Variants in DNMT3A observed in about 807,000 individuals in gnomAD.
DNMT3A encodes the protein DNA methyltransferase 3 alpha.
Under a neutral mutation model 117.6 loss-of-function variants are expected in DNMT3A, and 267 were observed. That is an observed-to-expected ratio of 2.27 (90% CI 2.05 to 2.51). DNMT3A has a LOEUF of 2.51. DNMT3A is among the 30% of genes most tolerant of loss of function. The pLI is 0.00. For synonymous variants in DNMT3A, 432 were observed against 474.8 expected (o/e 0.91, Z 1.17); for missense variants, 1,029 against 1,260.2 (o/e 0.82, Z 2.78).
rs1674063779 is a variant in DNMT3A, at chr2:25,241,685, CA to C, written c.1958del (p.Leu653TrpfsTer52). The C allele has an allele frequency of 6.2e-7, 1 of 1,613,906 alleles. No homozygotes were observed. Among genetic ancestry groups the C allele is most frequent in the Non-Finnish European group, 8.5e-7 (1 of 1,179,980 alleles). ...CAATGTAGCGGTCCACCTGAATGCC[CA>C]AGTCCTTCAGCACCAGGAGCCCTGC... ...IATGLLVLKD[L>X]GIQVDRYIAS... On this transcript the variant is annotated frameshift_variant, in exon 17 of 23. Transcript: ENST00000321117. LOFTEE classifies it high-confidence loss of function.
rs1675001082 is a variant in DNMT3A at position 25,247,738 on chromosome 2, GC to G, written c.866del (p.Gly289AlafsTer27). ...CCCACACCAGCTCCCCAATGCCAAA[GC>G]CCCGGCCGTCCTGGAGCCCCAAGGA... ...DDEPEYEDGR[G>X]FGIGELVWGK... On this transcript the variant is annotated frameshift_variant, in exon 8 of 23. Coordinates refer to ENST00000321117, the MANE Select transcript of DNMT3A (RefSeq NM_022552.5). LOFTEE classifies it high-confidence loss of function. The surrounding 1 kb of genome is among the most constrained non-coding windows in gnomAD (Gnocchi z 5.6). 1.2e-6 allele frequency: 2 copies of G among 1,612,508 alleles called. No individual in the cohort carries two copies. Among genetic ancestry groups the G allele is most frequent in the Non-Finnish European group, 1.7e-6 (2 of 1,180,004 alleles).
Position 25,233,979 on chromosome 2 carries a change from T to A in DNMT3A, c.*300A>T. ...AAACAGAAAACCCCTCTGAAAAGAG[T>A]AGAAAATAAAAGGTCTGACCGAAAA... On this transcript the variant is annotated 3_prime_UTR_variant, in exon 23 of 23. Transcript: ENST00000321117. 3.6e-6 allele frequency: 1 copy of A among 277,262 alleles called. No individual in the cohort carries two copies. The highest frequency in any genetic ancestry group is 5.4e-5 in the East Asian group (1 of 18,676). 17.2% of individuals were successfully genotyped at this position (277,262 alleles called of 1,614,324 possible). A position where few individuals can be genotyped will look rare whatever the true frequency, so the allele number is the denominator to read the frequency against.
chr2:25,244,402 T>TA, intron 14 of DNMT3A, 64 bp from the exon 15 acceptor site: 1 of 1,566,802 alleles, frequency 6.4e-7, no homozygotes, highest in South Asian at 1.1e-5. Context: ...CAAGGTGTGC[T>TA]ACCTGGAATG....
At position 25,245,327 on chromosome 2, in the gene DNMT3A, A is replaced by G. The variant is rs1674623339; in HGVS notation, c.1480T>C (p.Cys494Arg). The G allele has an allele frequency of 1.2e-6, 2 of 1,613,842 alleles. No individual in the cohort carries two copies. The highest frequency in any genetic ancestry group is 1.1e-5 in the South Asian group (1 of 90,954). The change falls in exon 13 of 23, where the codon TGC (cysteine) becomes CGC (arginine). Residue 494 changes from cysteine (C) to arginine (R), a missense_variant. By Grantham distance (180) the Cys-to-Arg change is radical (BLOSUM62 -3). Transcript: ENST00000321117. Reference sequence around the variant, plus strand: ...ACATTGAGGCTCCCACAGGAGATGCAGATGTCTGGAAAGCAGAGGGAGGGG... The same window carrying G: ...ACATTGAGGCTCCCACAGGAGATGCGGATGTCTGGAAAGCAGAGGGAGGGG... ...RQKCRNIEDICISCGSLNVTL... is the reference protein window; with the variant it reads ...RQKCRNIEDIRISCGSLNVTL...
intron 6 of DNMT3A, chr2:25,251,938 T>C: frequency 2.1e-6 from 1 of 484,740 alleles, no homozygotes; most frequent in Non-Finnish European, 3.6e-6. Context: ...GGCCGGCTGC[T>C]CTTCCTGTCC....
At chr2:25,274,255 C>G (rs1448795606) in intron 6 of DNMT3A, among the ~76,000 whole-genome samples, 1 of 152,248 alleles carries the variant, frequency 6.6e-6, no homozygotes, top group African/African-American at 2.4e-5. Flanking sequence ...CCTAGCTATT[C>G]TAGCTCCAAA....
rs1255067974 is a variant in DNMT3A at position 25,293,246 on chromosome 2, C to T, written c.177+6893G>A. Among the ~76,000 whole-genome samples the T allele has an allele frequency of 6.6e-6, 1 of 152,186 alleles. No individual in the cohort carries two copies. The highest frequency in any genetic ancestry group is 1.5e-5 in the Non-Finnish European group (1 of 68,028). The stretch of plus-strand genomic sequence containing the variant: ...AGGCTTGGCCAATTCTGCCCCGCCA[C>T]TGCCACCCCCCACAGGCCCTGGGAC... On this transcript the variant is annotated intron_variant, in intron 3 of 22. Transcript: ENST00000321117. The surrounding 1 kb of genome is among the most constrained non-coding windows in gnomAD (Gnocchi z 4.7).
At position 25,299,629 on chromosome 2, in the gene DNMT3A, T is replaced by C. The variant is rs538092904; in HGVS notation, c.177+510A>G. ...GCTTCTCAGGGCCTCCACTTCTCTA[T>C]GCAGAAAACAGGGAAATGTGGCCGG... On this transcript the variant is annotated intron_variant, in intron 3 of 22. Transcript: ENST00000321117. 3.9e-5 allele frequency among the ~76,000 whole-genome samples: 6 copies of C among 152,294 alleles called. No individual in the cohort carries two copies. In the South Asian group the frequency reaches 8.3e-4, roughly 21 times the overall value.
chr2:25,246,280 T>C lies in DNMT3A; in HGVS notation c.1309A>G (p.Thr437Ala). The C allele has an allele frequency of 6.2e-7, 1 of 1,612,886 alleles. No individual in the cohort carries two copies. Among genetic ancestry groups the C allele is most frequent in the Non-Finnish European group, 8.5e-7 (1 of 1,179,466 alleles). The change falls in exon 11 of 23, where the codon ACG becomes GCG. Residue 437 changes from threonine (T) to alanine (A), a missense_variant. Physicochemically the swap from Thr to Ala is moderately conservative, Grantham distance 58 (BLOSUM62 0). Transcript: ENST00000321117. ...GCCTCAGGTTCCACCCACATGTCCG[T>C]GTACACTTCTTTGTAGGGATTCTTC... ...EEKNPYKEVY[T>A]DMWVEPEAAA...
At chr2:25,253,066 C>A (rs1675786316) in intron 6 of DNMT3A, among the ~76,000 whole-genome samples, 2 of 152,188 alleles carry the variant, frequency 1.3e-5, no homozygotes, top group African/African-American at 4.8e-5. Flanking sequence ...GGCGCTCCTT[C>A]AGAAAGTTCA....
Position 25,240,630 on chromosome 2 carries a change from T to C in DNMT3A, c.2173+10A>G. ...AGCTGAGAAGGTGGAGGGGACAGGATGGTACCTACCGTAGAGGCCCTTGCG... is the reference window on the plus strand; with the variant it reads ...AGCTGAGAAGGTGGAGGGGACAGGACGGTACCTACCGTAGAGGCCCTTGCG... On this transcript the variant is annotated intron_variant, in intron 18 of 22. Transcript: ENST00000321117. 6.2e-7 allele frequency: 1 copy of C among 1,614,102 alleles called. No homozygotes were observed. The highest frequency in any genetic ancestry group is 8.5e-7 in the Non-Finnish European group (1 of 1,179,974).
At chr2:25,300,720 T>C (rs1390704021) in intron 2 of DNMT3A, among the ~76,000 whole-genome samples, 209 of 8,872 alleles carry the variant, frequency 0.024, 15 homozygotes, top group Non-Finnish European at 0.037. Context: ...ATAATATATA[T>C]ATATATATAT....
chr2:25,264,132 G>GTGTTTTTT (rs2029956936), intron 6 of DNMT3A, among the ~76,000 whole-genome samples: 1 of 73,758 alleles, frequency 1.4e-5, no homozygotes, highest in African/African-American at 5.5e-5. Context: ...CAACCCTTTG[G>GTGTTTTTT]TTTTTTTTTT....
At chr2:25,269,525 G>T (rs1289438801) in intron 6 of DNMT3A, among the ~76,000 whole-genome samples, 1 of 152,162 alleles carries the variant, frequency 6.6e-6, no homozygotes, top group African/African-American at 2.4e-5. Context: ...CTTCCTAGGG[G>T]ACACCCTTCT....
chr2:25,250,855 G>T (rs1469609409), intron 6 of DNMT3A, among the ~76,000 whole-genome samples: 1 of 152,210 alleles, frequency 6.6e-6, no homozygotes, highest in Non-Finnish European at 1.5e-5. Flanking sequence ...ATCAGTTCCT[G>T]GCAGCGGCAG....
upstream of DNMT3A, chr2:25,342,284 G>T (rs1366459101): frequency 6.7e-6 from 1 of 150,110 alleles, no homozygotes; most frequent in African/African-American, 2.4e-5. The surrounding 1 kb of genome is among the most constrained non-coding windows in gnomAD (Gnocchi z 5.9). Flanking sequence ...GCCGCTTGGC[G>T]GAGGTCTGGA....
chr2:25,290,618 G>A (rs2032684176), intron 3 of DNMT3A, among the ~76,000 whole-genome samples: 2 of 152,152 alleles, frequency 1.3e-5, no homozygotes, highest in African/African-American at 2.4e-5. Context: ...CACCACGCCC[G>A]GCCAGAAGTG....
intron 6 of DNMT3A, among the ~76,000 whole-genome samples, chr2:25,251,537 G>T (rs1180945042): frequency 1.3e-5 from 2 of 152,074 alleles, no homozygotes; most frequent in Non-Finnish European, 2.9e-5. Context: ...CAGTTGTCCC[G>T]CCTCCACCTC....
chr2:25,240,779 C>T (rs1339883356), intron 17 of DNMT3A, 49 bp from the exon 18 acceptor site: 1 of 1,565,974 alleles, frequency 6.4e-7, no homozygotes, highest in Non-Finnish European at 8.8e-7. Flanking sequence ...GGGACAGAGG[C>T]AGACAGGAAG....
Sources: allele counts gnomAD v4.1 joint callset (sites outside exome capture counted in the v4.1 genomes callset), GRCh38; gene constraint gnomAD v4.1.1; non-coding constraint Gnocchi (gnomAD v3.1); transcripts MANE v1.5; gene names NCBI Gene and HGNC (gene_info 2026-07-23, HGNC 2026-07-21).